The following MDGA2 variants were observed in gnomAD, a reference collection of about 807,000 sequenced individuals.
The protein encoded by MDGA2 is MAM domain-containing glycosylphosphatidylinositol anchor protein 2.
MDGA2 carries 40 observed loss-of-function variants against 117.8 expected under a neutral mutation model. The observed-to-expected ratio is 0.34, with a 90% CI of 0.26 to 0.44. MDGA2 has a LOEUF of 0.44. MDGA2 is among the 20% of genes least tolerant of loss of function. The probability of loss-of-function intolerance (pLI) is 1.00; values close to 1 mark genes in which losing one functional copy is unlikely to be tolerated. For synonymous variants in MDGA2, 452 were observed against 439.0 expected, an observed-to-expected ratio of 1.03 and a Z score of -0.37; for missense variants, 1,123 against 1,250.6, an observed-to-expected ratio of 0.90 and a Z score of 1.54.
At chr14:47,267,061 G>A (rs1887988664) in intron 2 of MDGA2, among the ~76,000 whole-genome samples, 1 of 152,118 alleles carries the variant, frequency 6.6e-6, no homozygotes, top group South Asian at 2.1e-4. Flanking sequence ...GAATTGATGA[G>A]TTTATTCAGA....
intron 7 of MDGA2, among the ~76,000 whole-genome samples, chr14:47,049,126 A>ATTAC (rs1889364084): frequency 1.3e-5 from 2 of 152,104 alleles, no homozygotes; most frequent in Non-Finnish European, 2.9e-5. Context: ...AGCCATGGTA[A>ATTAC]AAGTGGACTA....
chr14:47,543,268 T>C (rs1022924316), intron 1 of MDGA2, among the ~76,000 whole-genome samples: 1 of 151,902 alleles, frequency 6.6e-6, no homozygotes, highest in African/African-American at 2.4e-5. Context: ...GGTTATAGAG[T>C]AATGCACGCA....
At chr14:47,287,756 T>C (rs1888736329) in intron 2 of MDGA2, among the ~76,000 whole-genome samples, 1 of 152,096 alleles carries the variant, frequency 6.6e-6, no homozygotes, top group Non-Finnish European at 1.5e-5. Flanking sequence ...CCTCACAACG[T>C]GATGTTACTC....
At chr14:47,490,515 CAGG>C (rs1455683165) in intron 1 of MDGA2, among the ~76,000 whole-genome samples, 10 of 151,970 alleles carry the variant, frequency 6.6e-5, no homozygotes, top group African/African-American at 2.4e-4. Context: ...GAAATCAAAT[CAGG>C]TGGTGTAGTC....
intron 1 of MDGA2, among the ~76,000 whole-genome samples, chr14:47,349,346 C>G (rs1042434950): frequency 6.6e-6 from 1 of 152,148 alleles, no homozygotes; most frequent in Non-Finnish European, 1.5e-5. Context: ...CTTCAGGTAA[C>G]AGTTATGCAC....
At chr14:47,166,789 A>G (rs111694549) in intron 3 of MDGA2, among the ~76,000 whole-genome samples, 3 of 152,232 alleles carry the variant, frequency 2.0e-5, no homozygotes, top group African/African-American at 7.2e-5. Context: ...AGCATATTAC[A>G]CACGACTCCA....
At chr14:47,114,466 C>A (rs976775983) in intron 5 of MDGA2, among the ~76,000 whole-genome samples, 2 of 152,032 alleles carry the variant, frequency 1.3e-5, no homozygotes, top group Non-Finnish European at 2.9e-5. Flanking sequence ...ATAGCCAAGA[C>A]AATCCTAAGC....
intron 1 of MDGA2, among the ~76,000 whole-genome samples, chr14:47,498,564 T>G (rs895561470): frequency 6.6e-6 from 1 of 152,150 alleles, no homozygotes; most frequent in Non-Finnish European, 1.5e-5. Flanking sequence ...AAATCATACT[T>G]TTGAGTGAAC....
At chr14:47,115,360 T>C (rs113102988) in intron 5 of MDGA2, among the ~76,000 whole-genome samples, 202 of 152,142 alleles carry the variant, frequency 1.3e-3, no homozygotes, top group Non-Finnish European at 2.2e-3. Context: ...TATGTGTGCA[T>C]TGAAGATGTC....
chr14:47,576,430 T>C (rs759618381), intron 1 of MDGA2, among the ~76,000 whole-genome samples: 12 of 152,136 alleles, frequency 7.9e-5, no homozygotes, highest in Non-Finnish European at 1.3e-4. Context: ...GCTTTTGTCA[T>C]ATCTCAGAAT....
chr14:47,456,177 T>G lies in MDGA2; in HGVS notation c.281-154627A>C, dbSNP rs143017308. Among the ~76,000 whole-genome samples, 340 of 152,216 alleles carry G rather than the reference T, an allele frequency of 2.2e-3. 3 individuals carry two copies. The highest frequency in any genetic ancestry group is 7.9e-3 in the African/African-American group (328 of 41,548). ...CCCTCTATTTCTATTGCCTTTTATA[T>G]GACTTTAGGGGATATAATATTTTAG... On this transcript the variant is annotated intron_variant, in intron 1 of 16. Transcript: ENST00000399232.
rs144870791 is a variant in MDGA2, at chr14:47,118,717, C to T, written c.925+12997G>A. On this transcript the variant is annotated intron_variant, in intron 5 of 16. Transcript: ENST00000399232. ...TTGAAAGTTAGACCCATATTATATA[C>T]GCTTTTTTTATAAAAACAACAACAT... Among the ~76,000 whole-genome samples the T allele has an allele frequency of 2.6e-4, 40 of 152,098 alleles. No homozygotes were observed. The East Asian group carries it at 4.1e-3, about 15-fold the overall frequency.
At chr14:47,635,342 C>A (rs772588485) in intron 1 of MDGA2, among the ~76,000 whole-genome samples, 1 of 152,060 alleles carries the variant, frequency 6.6e-6, no homozygotes, top group Non-Finnish European at 1.5e-5. Flanking sequence ...ATGATTTAGA[C>A]ATGATTAAAT....
intron 1 of MDGA2, among the ~76,000 whole-genome samples, chr14:47,445,908 T>G (rs564061404): frequency 6.6e-6 from 1 of 152,148 alleles, no homozygotes; most frequent in East Asian, 1.9e-4. Flanking sequence ...ATAGTAGAGG[T>G]ACGATGGCTG....
intron 1 of MDGA2, among the ~76,000 whole-genome samples, chr14:47,529,203 A>G (rs1895041299): frequency 6.6e-6 from 1 of 152,112 alleles, no homozygotes; most frequent in Non-Finnish European, 1.5e-5. Context: ...CTACATCTGC[A>G]ATAAAGCTCA....
At position 47,430,732 on chromosome 14, in the gene MDGA2, A is replaced by G. The variant is rs528574366; in HGVS notation, c.281-129182T>C. ...GAATAATATTTTTCATGGCAATTGAAAGTCTTATTCATTCAAATGATGGCA... is the reference window on the plus strand; with the variant it reads ...GAATAATATTTTTCATGGCAATTGAGAGTCTTATTCATTCAAATGATGGCA... On this transcript the variant is annotated intron_variant, in intron 1 of 16. Transcript: ENST00000399232. Among the ~76,000 whole-genome samples the G allele has an allele frequency of 1.4e-4, 21 of 152,236 alleles. No homozygotes were observed. In the South Asian group the frequency reaches 3.5e-3, roughly 26 times the overall value.
At chr14:47,231,230 T>G (rs868744097) in intron 2 of MDGA2, among the ~76,000 whole-genome samples, 6 of 152,202 alleles carry the variant, frequency 3.9e-5, no homozygotes, top group Middle Eastern at 3.4e-3. Flanking sequence ...ACATATTTAT[T>G]AAAGACTTAT....
At chr14:47,102,461 G>C (rs1211683789) in intron 5 of MDGA2, among the ~76,000 whole-genome samples, 1 of 151,730 alleles carries the variant, frequency 6.6e-6, no homozygotes, top group Non-Finnish European at 1.5e-5. Context: ...ATTTTAAAAT[G>C]CTCAGGTAGG....
In MDGA2 at chr14:47,228,268, C is replaced by T. The variant is rs189669042; in HGVS notation, c.421-10073G>A. Among the ~76,000 whole-genome samples the T allele has an allele frequency of 4.6e-4, 70 of 152,168 alleles. 1 individual carries two copies. Among genetic ancestry groups the T allele is most frequent in the African/African-American group, 1.6e-3 (65 of 41,536 alleles). On this transcript the variant is annotated intron_variant, in intron 2 of 16. Coordinates refer to ENST00000399232, the MANE Select transcript of MDGA2 (RefSeq NM_001113498.3). The stretch of plus-strand genomic sequence containing the variant: ...TAAATTTCCTGTTTGTCAGGGATCC[C>T]CAAGACCCCATCAAGGTTCAATGAT...
Sources: allele counts gnomAD v4.1 joint callset (sites outside exome capture counted in the v4.1 genomes callset), GRCh38; gene constraint gnomAD v4.1.1; transcripts MANE v1.5; gene names NCBI Gene and HGNC (gene_info 2026-07-23, HGNC 2026-07-21).